Variants in KCNIP4 observed in about 807,000 individuals in gnomAD.
The protein encoded by KCNIP4 is potassium voltage-gated channel interacting protein 4.
Under a neutral mutation model 34.0 loss-of-function variants are expected in KCNIP4, and 12 were observed. The ratio of observed to expected loss-of-function variants is 0.35; its 90% CI spans 0.23 to 0.57. The LOEUF is 0.57. Among genes scored for constraint, KCNIP4 ranks in the 20% least tolerant of loss-of-function variants. KCNIP4 has a pLI of 0.83. For missense variants in KCNIP4, 238 were observed against 311.7 expected (o/e 0.76, Z 1.78); for synonymous variants, 124 against 102.2 (o/e 1.21, Z -1.29).
chr4:20,842,358 A>C lies in KCNIP4; in HGVS notation c.288+8185T>G, dbSNP rs578078004. 2.6e-5 allele frequency among the ~76,000 whole-genome samples: 4 copies of C among 152,200 alleles called. No individual in the cohort carries two copies. The East Asian group carries it at 7.7e-4, about 29-fold the overall frequency. On this transcript the variant is annotated intron_variant, in intron 3 of 8. Coordinates refer to ENST00000382152, the MANE Select transcript of KCNIP4 (RefSeq NM_025221.6). Reference sequence around the variant, plus strand: ...AAGGCCCTTCAGAGGGGTGCACTTCAGCTGCAGGCAGTTCCTTCTGGCTGG... The same window carrying C: ...AAGGCCCTTCAGAGGGGTGCACTTCCGCTGCAGGCAGTTCCTTCTGGCTGG...
chr4:21,850,526 A>AC (rs1724310421), intron 1 of KCNIP4: 1 of 152,064 alleles, frequency 6.6e-6, no homozygotes, highest in Non-Finnish European at 1.5e-5. Context: ...TCGGGACTCT[A>AC]CAGAGAGTCC....
intron 1 of KCNIP4, among the ~76,000 whole-genome samples, chr4:21,924,895 C>G (rs1330744186): frequency 2.6e-5 from 4 of 151,946 alleles, no homozygotes; most frequent in Non-Finnish European, 5.9e-5. Flanking sequence ...CATGCTACTC[C>G]ATTGGTACCT....
chr4:21,430,969 T>C (rs188471298), intron 1 of KCNIP4, among the ~76,000 whole-genome samples: 42 of 152,012 alleles, frequency 2.8e-4, no homozygotes, highest in Middle Eastern at 3.4e-3. Flanking sequence ...ACAGAAAAAC[T>C]TCAAACAAAA....
At chr4:21,575,353 C>T (rs1198294253) in intron 1 of KCNIP4, among the ~76,000 whole-genome samples, 1 of 152,080 alleles carries the variant, frequency 6.6e-6, no homozygotes, top group East Asian at 1.9e-4. Context: ...TTCAATAGTT[C>T]CTACATTAGG....
chr4:21,600,746 C>T (rs2109118839), intron 1 of KCNIP4, among the ~76,000 whole-genome samples: 1 of 152,182 alleles, frequency 6.6e-6, no homozygotes, highest in African/African-American at 2.4e-5. Context: ...AGCTGTTCCT[C>T]TGAATTGACA....
intron 1 of KCNIP4, among the ~76,000 whole-genome samples, chr4:21,142,038 C>T (rs1351680541): frequency 2.0e-5 from 3 of 151,270 alleles, no homozygotes; most frequent in Non-Finnish European, 4.4e-5. Context: ...GTAATCCCAG[C>T]TACTCGGGAG....
intron 1 of KCNIP4, among the ~76,000 whole-genome samples, chr4:21,073,168 T>G (rs1201083176): frequency 6.6e-6 from 1 of 152,148 alleles, no homozygotes; most frequent in East Asian, 1.9e-4. Flanking sequence ...AGTAGTTTTT[T>G]CCAATTCTGT....
chr4:20,741,774 T>A (rs1751170102), intron 5 of KCNIP4, among the ~76,000 whole-genome samples: 1 of 151,994 alleles, frequency 6.6e-6, no homozygotes, highest in Non-Finnish European at 1.5e-5. Flanking sequence ...AATCAATGAA[T>A]CCAGGAGCTG....
chr4:21,940,461 A>C (rs1015665927), intron 1 of KCNIP4, among the ~76,000 whole-genome samples: 5 of 152,222 alleles, frequency 3.3e-5, no homozygotes, highest in Non-Finnish European at 7.4e-5. Flanking sequence ...AAACATGTTT[A>C]GGCATTTATT....
At chr4:20,862,156 A>G (rs1722271390) in intron 2 of KCNIP4, among the ~76,000 whole-genome samples, 1 of 151,858 alleles carries the variant, frequency 6.6e-6, no homozygotes. Context: ...ACACCTGGCT[A>G]ATTTTTGTAT....
chr4:21,845,143 A>G (rs1014615290), intron 1 of KCNIP4: 2 of 151,926 alleles, frequency 1.3e-5, no homozygotes, highest in African/African-American at 2.4e-5. Context: ...CATTTCAAGT[A>G]CCTCCCAATA....
chr4:21,107,585 T>C (rs1383478801), intron 1 of KCNIP4, among the ~76,000 whole-genome samples: 4 of 148,450 alleles, frequency 2.7e-5, no homozygotes, highest in African/African-American at 1.0e-4. Context: ...AATTGGAGCA[T>C]TTAGTCCATT....
intron 1 of KCNIP4, among the ~76,000 whole-genome samples, chr4:21,340,155 C>T (rs1716609367): frequency 6.6e-6 from 1 of 152,030 alleles, no homozygotes; most frequent in African/African-American, 2.4e-5. Context: ...TCCCCCTAAT[C>T]GGTGAGCTAT....
At chr4:21,714,018 G>A (rs924004840) in intron 1 of KCNIP4, among the ~76,000 whole-genome samples, 1 of 152,104 alleles carries the variant, frequency 6.6e-6, no homozygotes, top group Non-Finnish European at 1.5e-5. Context: ...ATCCTGAAGT[G>A]ATTCTATACT....
At chr4:21,763,177 GC>G (rs1718174914) in intron 1 of KCNIP4, 1 of 1,146,084 alleles carries the variant, frequency 8.7e-7, no homozygotes, top group Admixed American at 2.5e-5. Context: ...GAAGAACATT[GC>G]CCAGATTATC....
At chr4:20,962,644 C>A (rs1480081182) in intron 1 of KCNIP4, among the ~76,000 whole-genome samples, 2 of 152,084 alleles carry the variant, frequency 1.3e-5, no homozygotes, top group Non-Finnish European at 2.9e-5. Context: ...CAAAAACACA[C>A]CTTAAATTTT....
At chr4:20,858,248 A>G (rs1721826610) in intron 2 of KCNIP4, among the ~76,000 whole-genome samples, 1 of 147,204 alleles carries the variant, frequency 6.8e-6, no homozygotes, top group Admixed American at 6.8e-5. Context: ...AAAAAGAGGA[A>G]GACACGAGGA....
At chr4:21,048,942 A>ATT (rs1742671680) in intron 1 of KCNIP4, among the ~76,000 whole-genome samples, 3 of 130,742 alleles carry the variant, frequency 2.3e-5, no homozygotes, top group African/African-American at 3.0e-5. Context: ...CCTTCTGTTT[A>ATT]TCTTTTTTTT....
intron 1 of KCNIP4, among the ~76,000 whole-genome samples, chr4:21,869,672 C>T (rs1385725734): frequency 3.8e-4 from 7 of 18,210 alleles, no homozygotes; most frequent in Non-Finnish European, 1.5e-3. Context: ...TTAGGGCTTA[C>T]GCTTAATATC....
Sources: gnomAD v4.1 joint callset for allele counts (sites outside exome capture counted in the v4.1 genomes callset) on GRCh38, gnomAD v4.1.1 for gene constraint, MANE v1.5 for transcripts, NCBI Gene and HGNC (gene_info 2026-07-23, HGNC 2026-07-21) for gene names.